CNTNAP2: variants seen among roughly 807,000 people sequenced by gnomAD.
CNTNAP2 encodes contactin-associated protein-like 2.
In CNTNAP2, 98 loss-of-function variants were observed where a neutral mutation model predicts 155.2. The ratio of observed to expected loss-of-function variants is 0.63; its 90% CI spans 0.54 to 0.75. CNTNAP2 has a LOEUF of 0.75. CNTNAP2 is among the 30% of genes least tolerant of loss of function. The pLI is 0.00. For missense variants in CNTNAP2, 1,727 were observed against 1,688.1 expected (o/e 1.02, Z -0.40); for synonymous variants, 651 against 631.2 (o/e 1.03, Z -0.47).
At chr7:146,476,861 C>T (rs1305793448) in intron 1 of CNTNAP2, among the ~76,000 whole-genome samples, 2 of 152,140 alleles carry the variant, frequency 1.3e-5, no homozygotes, top group Non-Finnish European at 2.9e-5. Context: ...AAATCATAGG[C>T]GCACATGCTC....
intron 3 of CNTNAP2, among the ~76,000 whole-genome samples, chr7:146,851,148 CT>C (rs1225054428): frequency 2.6e-5 from 4 of 152,062 alleles, no homozygotes; most frequent in Non-Finnish European, 4.4e-5. Context: ...CCACACCCGG[CT>C]AATTTTTGTA....
intron 1 of CNTNAP2, among the ~76,000 whole-genome samples, chr7:146,305,543 A>G: frequency 6.6e-6 from 1 of 151,792 alleles, no homozygotes; most frequent in Non-Finnish European, 1.5e-5. Flanking sequence ...CTGGAGGTCC[A>G]CTCCATACCC....
At chr7:147,001,038 A>T (rs1798412402) in intron 3 of CNTNAP2, among the ~76,000 whole-genome samples, 1 of 152,072 alleles carries the variant, frequency 6.6e-6, no homozygotes, top group African/African-American at 2.4e-5. Context: ...GTCCAAGGCA[A>T]AGTTCTACGA....
In CNTNAP2 at chr7:146,512,402, C is replaced by T. The variant is rs190987518; in HGVS notation, c.98-261869C>T. Among the ~76,000 whole-genome samples, 541 of 151,564 alleles carry T rather than the reference C, an allele frequency of 3.6e-3. 4 individuals are homozygous for T. Among genetic ancestry groups the T allele is most frequent in the African/African-American group, 0.011 (476 of 41,404 alleles). ...AGGCAGCTTATTTGAAGCTTTACCA[C>T]TTTTTTTTATGTAGATGTTCATTGC... On this transcript the variant is annotated intron_variant, in intron 1 of 23. Transcript: ENST00000361727.
chr7:147,515,325 T>G lies in CNTNAP2; in HGVS notation c.1777+29284T>G, dbSNP rs1376802823. On this transcript the variant is annotated intron_variant, in intron 11 of 23. Coordinates refer to ENST00000361727, the MANE Select transcript of CNTNAP2 (RefSeq NM_014141.6). ...TTCTTCATAGTTCATTATATTCTTTTTTTGTTTGTTTGTTTTGAGACAAGT... is the reference window on the plus strand; with the variant it reads ...TTCTTCATAGTTCATTATATTCTTTGTTTGTTTGTTTGTTTTGAGACAAGT... 1.1e-4 allele frequency among the ~76,000 whole-genome samples: 16 copies of G among 139,192 alleles called. 1 individual carries two copies. Among genetic ancestry groups the G allele is most frequent in the East Asian group, 6.3e-4 (3 of 4,766 alleles). The allele number at this position is 139,192 out of a possible 152,430, so 91.3% of individuals were successfully genotyped here. A position where few individuals can be genotyped will look rare whatever the true frequency, so the allele number is the denominator to read the frequency against.
At chr7:146,645,328 A>T (rs1172235562) in intron 1 of CNTNAP2, among the ~76,000 whole-genome samples, 2 of 152,174 alleles carry the variant, frequency 1.3e-5, no homozygotes, top group Non-Finnish European at 2.9e-5. Context: ...TAGAAGCAAG[A>T]TCATTGCATG....
intron 4 of CNTNAP2, among the ~76,000 whole-genome samples, chr7:147,078,884 G>T (rs1297134749): frequency 6.6e-6 from 1 of 151,810 alleles, no homozygotes; most frequent in Non-Finnish European, 1.5e-5. Flanking sequence ...CGAGTAGCTG[G>T]GATTACAGGT....
chr7:147,952,553 C>T (rs1451145264), intron 14 of CNTNAP2, among the ~76,000 whole-genome samples: 1 of 151,952 alleles, frequency 6.6e-6, no homozygotes, highest in African/African-American at 2.4e-5. Context: ...TAAATGTACG[C>T]CTATCATAAT....
chr7:148,358,366 A>G (rs1251992961), intron 21 of CNTNAP2, among the ~76,000 whole-genome samples: 1 of 152,212 alleles, frequency 6.6e-6, no homozygotes, highest in Admixed American at 6.5e-5. Flanking sequence ...GCGGGCAGCC[A>G]TGAGACCATG....
At chr7:148,126,751 G>C (rs1804724760) in intron 16 of CNTNAP2, among the ~76,000 whole-genome samples, 1 of 152,120 alleles carries the variant, frequency 6.6e-6, no homozygotes, top group Non-Finnish European at 1.5e-5. Context: ...TATGAACGGG[G>C]AGAGGACGAG....
chr7:148,266,246 G>A (rs917393319), intron 20 of CNTNAP2, among the ~76,000 whole-genome samples: 2 of 152,148 alleles, frequency 1.3e-5, no homozygotes, highest in Non-Finnish European at 2.9e-5. Flanking sequence ...CCACCGGGGT[G>A]GGGGGCCCAA....
chr7:148,292,737 C>T (rs184416174), intron 21 of CNTNAP2, among the ~76,000 whole-genome samples: 243 of 152,230 alleles, frequency 1.6e-3, no homozygotes, highest in African/African-American at 5.3e-3. Flanking sequence ...CTGCAGGGAC[C>T]CTGGCCACCA....
intron 14 of CNTNAP2, among the ~76,000 whole-genome samples, chr7:147,919,821 A>G (rs998076892): frequency 2.0e-5 from 3 of 151,470 alleles, no homozygotes; most frequent in Non-Finnish European, 4.4e-5. Context: ...TCCTGGGCTC[A>G]AGTGATTCAC....
At chr7:146,167,102 G>T (rs1798323342) in intron 1 of CNTNAP2, among the ~76,000 whole-genome samples, 1 of 152,180 alleles carries the variant, frequency 6.6e-6, no homozygotes, top group South Asian at 2.1e-4. Flanking sequence ...TAAACTCAAA[G>T]AGAAAGAACT....
At chr7:148,232,314 A>C (rs1563004647) in intron 20 of CNTNAP2, among the ~76,000 whole-genome samples, 1 of 152,246 alleles carries the variant, frequency 6.6e-6, no homozygotes, top group African/African-American at 2.4e-5. Flanking sequence ...TAATTCGGAA[A>C]GTGCTTTGCA....
At chr7:148,095,555 A>G (rs1454195614) in intron 15 of CNTNAP2, among the ~76,000 whole-genome samples, 2 of 152,212 alleles carry the variant, frequency 1.3e-5, no homozygotes, top group Non-Finnish European at 2.9e-5. Context: ...ATGAAAAAGA[A>G]CTGCAAGACT....
chr7:146,506,889 A>T (rs908904617), intron 1 of CNTNAP2, among the ~76,000 whole-genome samples: 1 of 152,128 alleles, frequency 6.6e-6, no homozygotes, highest in Non-Finnish European at 1.5e-5. Flanking sequence ...CCTGTCTACC[A>T]TGCCTCATCA....
chr7:146,396,683 G>A (rs1202176362), intron 1 of CNTNAP2, among the ~76,000 whole-genome samples: 2 of 148,454 alleles, frequency 1.3e-5, no homozygotes, highest in Non-Finnish European at 3.0e-5. Flanking sequence ...TTGGGGTTCT[G>A]TTAGTTTTGG....
At chr7:147,103,759 T>C (rs1800700783) in intron 4 of CNTNAP2, among the ~76,000 whole-genome samples, 1 of 151,912 alleles carries the variant, frequency 6.6e-6, no homozygotes, top group South Asian at 2.1e-4. Context: ...AAAATAAAAA[T>C]TGTATATATT....
Sources: gnomAD v4.1 joint callset for allele counts (sites outside exome capture counted in the v4.1 genomes callset) on GRCh38, gnomAD v4.1.1 for gene constraint, MANE v1.5 for transcripts, NCBI Gene and HGNC (gene_info 2026-07-23, HGNC 2026-07-21) for gene names.